CEACAM21: variants seen among roughly 807,000 people sequenced by gnomAD.
CEACAM21 encodes the protein cell adhesion molecule CEACAM21.
A neutral mutation model predicts 33.2 loss-of-function variants in CEACAM21; 38 were observed. The ratio of observed to expected loss-of-function variants is 1.14; its 90% CI spans 0.88 to 1.50. The LOEUF (loss-of-function observed/expected upper bound fraction) is 1.50. Ranked by LOEUF, CEACAM21 falls within the 40% of genes most tolerant of loss-of-function variation. The pLI is 0.00. For missense variants in CEACAM21, 385 were observed against 364.6 expected, an observed-to-expected ratio of 1.06 and a Z score of -0.46; for synonymous variants, 156 against 143.0, an observed-to-expected ratio of 1.09 and a Z score of -0.65.
chr19:41,553,334 C>T (rs2041338372), intron 1 of CEACAM21, among the ~76,000 whole-genome samples: 2 of 130,120 alleles, frequency 1.5e-5, no homozygotes, highest in South Asian at 2.6e-4. Context: ...GAACTCCTGA[C>T]CTCAGATGAT....
chr19:41,578,129 C>A (rs1167272763), intron 2 of CEACAM21, among the ~76,000 whole-genome samples: 1 of 152,174 alleles, frequency 6.6e-6, no homozygotes, highest in African/African-American at 2.4e-5. Context: ...AGAGCCTCAT[C>A]TTTCACCTGA....
chr19:41,584,241 T>G (rs1029015077), intron 3 of CEACAM21, 106 bp from the exon 4 acceptor site: 25 of 915,658 alleles, frequency 2.7e-5, no homozygotes, highest in African/African-American at 8.2e-5. Context: ...ACACTCAGGC[T>G]CCATGGCATT....
chr19:41,560,249 G>T (rs1011665024), intron 1 of CEACAM21, among the ~76,000 whole-genome samples: 1 of 151,914 alleles, frequency 6.6e-6, no homozygotes, highest in Non-Finnish European at 1.5e-5. Context: ...TTGAGACAGG[G>T]TCTCGCTCTG....
At chr19:41,582,989 A>G (rs1454587989) in intron 3 of CEACAM21, among the ~76,000 whole-genome samples, 2 of 152,212 alleles carry the variant, frequency 1.3e-5, no homozygotes, top group African/African-American at 4.8e-5. Flanking sequence ...CAAATTTTCC[A>G]AACTTTTATG....
intron 1 of CEACAM21, among the ~76,000 whole-genome samples, chr19:41,560,396 T>G (rs2041809299): frequency 6.6e-6 from 1 of 152,126 alleles, no homozygotes; most frequent in Non-Finnish European, 1.5e-5. Flanking sequence ...CTAATTTCTA[T>G]TTTTCATAGA....
chr19:41,565,919 G>A (rs1294800853), intron 2 of CEACAM21, among the ~76,000 whole-genome samples: 1 of 125,818 alleles, frequency 7.9e-6, no homozygotes, highest in African/African-American at 3.0e-5. Flanking sequence ...AACATCATTC[G>A]AAAGCCCAGA....
intron 2 of CEACAM21, chr19:41,565,757 G>A (rs921652199): frequency 1.3e-5 from 2 of 152,016 alleles, no homozygotes; most frequent in Admixed American, 6.5e-5. Context: ...TGTACAACCA[G>A]GAATCATAAC....
intron 2 of CEACAM21, among the ~76,000 whole-genome samples, chr19:41,569,203 CTT>C (rs797039351): frequency 7.0e-6 from 1 of 143,296 alleles, no homozygotes; most frequent in Non-Finnish European, 1.5e-5. Flanking sequence ...TTCCATATTT[CTT>C]TTTTTTTTTT....
chr19:41,571,748 G>A (rs911556657), upstream of CEACAM21, among the ~76,000 whole-genome samples: 1 of 152,198 alleles, frequency 6.6e-6, no homozygotes, highest in African/African-American at 2.4e-5. Flanking sequence ...CCTGGGAGCT[G>A]GGAGCTGACA....
At chr19:41,557,004 A>G (rs1401650135) in intron 1 of CEACAM21, among the ~76,000 whole-genome samples, 1 of 152,234 alleles carries the variant, frequency 6.6e-6, no homozygotes, top group African/African-American at 2.4e-5. Flanking sequence ...TCCTTTGACC[A>G]CTGCTTAGAA....
chr19:41,579,731 A>G, intron 3 of CEACAM21, 103 bp downstream of exon 3: 1 of 841,300 alleles, frequency 1.2e-6, no homozygotes, highest in East Asian at 2.7e-5. Flanking sequence ...AGATTCCTTC[A>G]GAGCCTGGGG....
intron 4 of CEACAM21, 42 bp from the exon 5 acceptor site, chr19:41,585,400 CT>C (rs1555794967): frequency 6.2e-7 from 1 of 1,608,906 alleles, no homozygotes. Flanking sequence ...CAATTTGTGA[CT>C]TTTAACCTTG....
At chr19:41,579,966 T>C (rs117294282) in intron 3 of CEACAM21, among the ~76,000 whole-genome samples, 4,201 of 152,314 alleles carry the variant, frequency 0.028, 102 homozygotes, top group Non-Finnish European at 0.043. Context: ...GAGCCAGGGC[T>C]CAATCAGTGC....
intron 6 of CEACAM21, 28 bp from the exon 7 acceptor site, chr19:41,586,436 G>C (rs1259100002): frequency 1.6e-6 from 1 of 631,922 alleles, no homozygotes; most frequent in South Asian, 1.4e-5. Flanking sequence ...AGGCCTCAGG[G>C]GTCAAGACCT....
At chr19:41,551,834 T>C (rs182383474) in intron 1 of CEACAM21, 10 of 152,002 alleles carry the variant, frequency 6.6e-5, no homozygotes, top group African/African-American at 9.7e-5. Context: ...AACCGGTCAG[T>C]TGGGGAGGAA....
chr19:41,580,219 C>T (rs2043271240), intron 3 of CEACAM21, among the ~76,000 whole-genome samples: 1 of 152,054 alleles, frequency 6.6e-6, no homozygotes, highest in Non-Finnish European at 1.5e-5. Context: ...GGATTCCACC[C>T]TGTTTGGAAA....
chr19:41,549,988 A>T (rs1437184181), intron 1 of CEACAM21: 2 of 152,196 alleles, frequency 1.3e-5, no homozygotes, highest in African/African-American at 4.8e-5. Flanking sequence ...ACACCCTCTC[A>T]TAGGGAACAT....
chr19:41,557,504 G>T (rs548059308), intron 1 of CEACAM21, among the ~76,000 whole-genome samples: 1 of 152,268 alleles, frequency 6.6e-6, no homozygotes, highest in East Asian at 1.9e-4. Context: ...GTATCAGCAT[G>T]TGAGGACCAG....
At position 41,579,628 on chromosome 19, in the gene CEACAM21, T is replaced by C; in HGVS notation, c.700T>C (p.Ser234Pro). The C allele has an allele frequency of 6.5e-7, 1 of 1,544,472 alleles. No individual in the cohort carries two copies. Among genetic ancestry groups the C allele is most frequent in the South Asian group, 1.2e-5 (1 of 83,994 alleles). ...RSDPLKLTVKSDDNTLGILIG... is the reference protein window; with the variant it reads ...RSDPLKLTVKPDDNTLGILIG... Reference sequence around the variant, plus strand: ...CGACCCCCTCAAGCTGACTGTAAAATGTGAGTGACCCTCGGCCCCTCTCAC... The same window carrying C: ...CGACCCCCTCAAGCTGACTGTAAAACGTGAGTGACCCTCGGCCCCTCTCAC... The change falls in exon 3 of 7, where the codon TCA becomes CCA. Residue 234 changes from serine (S) to proline (P), a missense_variant and splice_region_variant. Ser to Pro is a moderately conservative substitution (Grantham distance 74). Coordinates refer to ENST00000401445, the MANE Select transcript of CEACAM21 (RefSeq NM_001098506.4).
Sources: gnomAD v4.1 joint callset for allele counts (sites outside exome capture counted in the v4.1 genomes callset) on GRCh38, gnomAD v4.1.1 for gene constraint, MANE v1.5 for transcripts, NCBI Gene and HGNC (gene_info 2026-07-23, HGNC 2026-07-21) for gene names.